GPATCH8: variants seen among roughly 807,000 people sequenced by gnomAD.
GPATCH8 encodes G patch domain-containing protein 8.
A neutral mutation model predicts 118.3 loss-of-function variants in GPATCH8; 18 were observed. That is an observed-to-expected ratio of 0.15 (90% confidence interval 0.11 to 0.23). The LOEUF is 0.23. GPATCH8 is among the 10% of genes least tolerant of loss of function. The pLI is 1.00. For missense variants in GPATCH8, 1,631 were observed against 1,873.8 expected, an observed-to-expected ratio of 0.87 and a Z score of 2.39; for synonymous variants, 659 against 684.7, an observed-to-expected ratio of 0.96 and a Z score of 0.59.
chr17:44,398,522 A>T lies in GPATCH8; in HGVS notation c.3555T>A (p.Ser1185Arg). The change falls in exon 8 of 8, where the codon AGT becomes AGA. Residue 1185 changes from serine to arginine, a missense_variant. Around this residue, in one of 8 missense-constraint regions of GPATCH8, gnomAD observed 922 missense variants for 879.7 expected, o/e 1.05. Coordinates refer to ENST00000591680, the MANE Select transcript of GPATCH8 (RefSeq NM_001002909.4). Reference sequence around the variant, plus strand: ...GGAACTGATGCCCAAATAGGGCATCACTACTCCCTGGGGGCCCCTCTTCTG... The same window carrying T: ...GGAACTGATGCCCAAATAGGGCATCTCTACTCCCTGGGGGCCCCTCTTCTG... ...SETEEGPPGS[S>R]DALFGHQFPS... 1 of 1,598,666 alleles carries T rather than the reference A, an allele frequency of 6.3e-7. No homozygotes were observed. The highest frequency in any genetic ancestry group is 2.2e-5 in the East Asian group (1 of 44,820).
intron 6 of GPATCH8, among the ~76,000 whole-genome samples, chr17:44,414,101 G>GTATATATA (rs1272868280): frequency 1.6e-5 from 2 of 122,768 alleles, no homozygotes; most frequent in Admixed American, 9.3e-5. Flanking sequence ...ATATATATAT[G>GTATATATA]TGTGTATATA....
At chr17:44,403,689 CT>C (rs2049111721) in intron 7 of GPATCH8, among the ~76,000 whole-genome samples, 1 of 114,310 alleles carries the variant, frequency 8.7e-6, no homozygotes, top group African/African-American at 3.0e-5. Context: ...TATGTAATCT[CT>C]CTTTTTTTTT....
At chr17:44,474,701 C>A (rs1411972486) in intron 2 of GPATCH8, 128 bp downstream of exon 2, 4 of 708,194 alleles carry the variant, frequency 5.6e-6, no homozygotes, top group African/African-American at 1.7e-5. Flanking sequence ...TACTGTATGG[C>A]ATGCAAGAAA....
At chr17:44,410,546 AGCT>A (rs57050548) in intron 6 of GPATCH8, among the ~76,000 whole-genome samples, 1,874 of 152,356 alleles carry the variant, frequency 0.012, 33 homozygotes, top group African/African-American at 0.037. Context: ...CTTTCTGAAG[AGCT>A]GCTAATAAAT....
chr17:44,439,918 G>A (rs1023820548), intron 3 of GPATCH8, among the ~76,000 whole-genome samples: 10 of 151,722 alleles, frequency 6.6e-5, no homozygotes, highest in Non-Finnish European at 1.0e-4. Flanking sequence ...CAAGTAGCTG[G>A]GGCTACAGGC....
rs982487651 is a variant in GPATCH8 at position 44,399,735 on chromosome 17, T to C, written c.2342A>G (p.His781Arg). Reference sequence around the variant, plus strand: ...TTCACCTTTGTGTTTCCTCCCACCATGGTCTTGGGAGCTGCTACCACCCCC... The same window carrying C: ...TTCACCTTTGTGTTTCCTCCCACCACGGTCTTGGGAGCTGCTACCACCCCC... ...EGGGGSSSQD[H>R]GGRKHKGELP... The change falls in exon 8 of 8, where the codon CAT becomes CGT. Residue 781 changes from histidine to arginine, a missense_variant. Transcript: ENST00000591680. 5 of 1,613,858 alleles carry C rather than the reference T, an allele frequency of 3.1e-6. No individual in the cohort carries two copies. The South Asian group carries it at 3.3e-5, about 11-fold the overall frequency.
In GPATCH8 at chr17:44,398,553, G is replaced by A; in HGVS notation, c.3524C>T (p.Ser1175Leu). 3 of 1,583,500 alleles carry A rather than the reference G, an allele frequency of 1.9e-6. No homozygotes were observed. The South Asian group carries it at 3.5e-5, about 19-fold the overall frequency. ...CCCTGGGGGCCCCTCTTCTGTCTCT[G>A]ACTGTTCTTGCTCTTCCCCCCTTTC... ...GLERGEEQEQ[S>L]ETEEGPPGSS... is the part of the protein sequence containing the mutation. Residue 1175 changes from serine to leucine, a missense_variant, in exon 8 of 8, where the codon TCA (serine) becomes TTA (leucine). By Grantham distance (145) the Ser-to-Leu change is moderately radical. Around this residue, in one of 8 missense-constraint regions of GPATCH8, gnomAD observed 922 missense variants for 879.7 expected, o/e 1.05. Coordinates refer to ENST00000591680, the MANE Select transcript of GPATCH8 (RefSeq NM_001002909.4).
chr17:44,398,156 G>A lies in GPATCH8; in HGVS notation c.3921C>T (p.Ser1307=). The change falls in exon 8 of 8, where the codon AGC becomes AGT. Residue 1307 remains serine, a synonymous_variant. Transcript: ENST00000591680. ...CCTCAGGGGTGAAGGTGATGGGCTG[G>A]CTTTCCAGGGGGGCCAGTGAAGCAT... ...AEDASLAPLE[S]QPITFTPEEM... is the part of the protein sequence containing the mutation. 6.2e-7 allele frequency: 1 copy of A among 1,613,562 alleles called. No homozygotes were observed. Among genetic ancestry groups the A allele is most frequent in the Non-Finnish European group, 8.5e-7 (1 of 1,179,560 alleles).
intron 6 of GPATCH8, among the ~76,000 whole-genome samples, chr17:44,423,075 T>G: frequency 6.6e-6 from 1 of 151,876 alleles, no homozygotes; most frequent in East Asian, 2.0e-4. Context: ...GCCCCATCTC[T>G]ACTAAAAATA....
intron 6 of GPATCH8, among the ~76,000 whole-genome samples, chr17:44,423,030 AGGCCG>A (rs2049969205): frequency 1.3e-5 from 2 of 151,682 alleles, no homozygotes; most frequent in African/African-American, 4.8e-5. Context: ...GCACTTTGGG[AGGCCG>A]AGGTGGGCGG....
intron 5 of GPATCH8, among the ~76,000 whole-genome samples, chr17:44,426,900 AG>A (rs1179078064): frequency 2.0e-5 from 3 of 151,708 alleles, no homozygotes; most frequent in African/African-American, 7.3e-5. Context: ...TCTCAACTCC[AG>A]AAGACAGTGG....
In GPATCH8 at chr17:44,401,349, G is replaced by A; in HGVS notation, c.728C>T (p.Ala243Val). ...DESATNSGTG[A>V]TASCGLGSEF... ...AGATCCCAGGCCACAAGAAGCAGTGGCACCTGTGCCACTATTTGTAGCTGA... is the reference window on the plus strand; with the variant it reads ...AGATCCCAGGCCACAAGAAGCAGTGACACCTGTGCCACTATTTGTAGCTGA... Residue 243 changes from alanine to valine, a missense_variant, in exon 8 of 8, where the codon GCC becomes GTC. Physicochemically the swap from Ala to Val is moderately conservative, Grantham distance 64. Around this residue, in one of 8 missense-constraint regions of GPATCH8, gnomAD observed 405 missense variants for 462.7 expected, o/e 0.88. Transcript: ENST00000591680. The A allele has an allele frequency of 6.2e-7, 1 of 1,610,910 alleles. No individual in the cohort carries two copies. Among genetic ancestry groups the A allele is most frequent in the Non-Finnish European group, 8.5e-7 (1 of 1,177,936 alleles).
chr17:44,447,853 T>G (rs1044295837), intron 3 of GPATCH8, among the ~76,000 whole-genome samples: 2 of 152,202 alleles, frequency 1.3e-5, no homozygotes. Context: ...TGGAAGATAT[T>G]TTGTAAACTT....
rs1184569890 is a variant in GPATCH8 at position 44,478,744 on chromosome 17, C to A, written c.46-3841G>T. Among the ~76,000 whole-genome samples, 4 of 151,978 alleles carry A rather than the reference C, an allele frequency of 2.6e-5. No homozygotes were observed. In the East Asian group the frequency reaches 5.8e-4, roughly 22 times the overall value. ...TACTACTTTTTTAAAGTAATTAAAC[C>A]TTTAGTTTGTTTAGAGACAGAGTCT... On this transcript the variant is annotated intron_variant, in intron 1 of 7. Transcript: ENST00000591680.
chr17:44,460,272 C>T (rs1460931218), intron 3 of GPATCH8, among the ~76,000 whole-genome samples: 3 of 151,882 alleles, frequency 2.0e-5, no homozygotes, highest in Non-Finnish European at 4.4e-5. Flanking sequence ...TGTGTTGTTT[C>T]CTTCAGATAT....
At chr17:44,477,081 A>C (rs1395036339) in intron 1 of GPATCH8, among the ~76,000 whole-genome samples, 1 of 152,224 alleles carries the variant, frequency 6.6e-6, no homozygotes, top group East Asian at 1.9e-4. Context: ...TGATAACTTG[A>C]ATGTTAACCT....
intron 1 of GPATCH8, among the ~76,000 whole-genome samples, chr17:44,485,882 T>A (rs191954101): frequency 2.0e-4 from 31 of 152,322 alleles, no homozygotes; most frequent in African/African-American, 7.0e-4. Flanking sequence ...CATTTTCTAG[T>A]ACACTAGTGA....
Position 44,401,185 on chromosome 17 carries a change from A to G in GPATCH8, c.892T>C (p.Leu298=), listed in dbSNP as rs376524037. The G allele has an allele frequency of 9.3e-6, 15 of 1,613,960 alleles. No homozygotes were observed. Among genetic ancestry groups the G allele is most frequent in the South Asian group, 2.2e-5 (2 of 91,072 alleles). ...TTGGCAAAAGAAAATGACACTCCCA[A>G]TTTTTGCAATGGGGTCCCCAGATTA... The part of the protein sequence containing the change: ...KNNLGTPLQK[L]GVSFSFAKKA... Residue 298 remains leucine (L), a synonymous_variant, in exon 8 of 8, where the codon TTG becomes CTG. Transcript: ENST00000591680.
At chr17:44,402,324 CAAAAAAA>C (rs61316944) in intron 7 of GPATCH8, among the ~76,000 whole-genome samples, 4 of 41,906 alleles carry the variant, frequency 9.5e-5, no homozygotes, top group Admixed American at 4.8e-4. Flanking sequence ...GACTCTGTCT[CAAAAAAA>C]AAAAAAAAAA....
Sources: allele counts gnomAD v4.1 joint callset (sites outside exome capture counted in the v4.1 genomes callset), GRCh38; gene constraint gnomAD v4.1.1; regional missense constraint gnomAD v4.1.1; transcripts MANE v1.5; gene names NCBI Gene and HGNC (gene_info 2026-07-23, HGNC 2026-07-21).